SCFD2: variants seen among roughly 807,000 people sequenced by gnomAD.
SCFD2 encodes the protein sec1 family domain containing 2, also known as sec1 family domain-containing protein 2.
SCFD2 carries 54 observed loss-of-function variants against 58.9 expected under a neutral mutation model. The observed-to-expected ratio is 0.92, with a 90% CI of 0.74 to 1.15. SCFD2 has a LOEUF of 1.15. Ranked by LOEUF, SCFD2 falls within the 50% of genes most tolerant of loss-of-function variation. SCFD2 has a pLI of 0.00. For missense variants in SCFD2, 805 were observed against 836.6 expected, an observed-to-expected ratio of 0.96 and a Z score of 0.47; for synonymous variants, 321 against 335.9, an observed-to-expected ratio of 0.96 and a Z score of 0.49.
At chr4:52,982,904 A>C (rs1019254688) in intron 5 of SCFD2, among the ~76,000 whole-genome samples, 5 of 152,178 alleles carry the variant, frequency 3.3e-5, no homozygotes, top group Non-Finnish European at 7.4e-5. Context: ...TCAAAATAAT[A>C]ATCCACCTGG....
chr4:53,200,590 T>G (rs560907866), intron 4 of SCFD2, among the ~76,000 whole-genome samples: 1 of 152,200 alleles, frequency 6.6e-6, no homozygotes, highest in Non-Finnish European at 1.5e-5. Flanking sequence ...ACACTGGGCT[T>G]CCTGTTTGAA....
At chr4:53,257,154 TAGAG>T (rs963542987) in intron 4 of SCFD2, among the ~76,000 whole-genome samples, 2 of 151,698 alleles carry the variant, frequency 1.3e-5, no homozygotes, top group African/African-American at 4.8e-5. Flanking sequence ...TTAATACAGA[TAGAG>T]AGGCCAAACC....
intron 5 of SCFD2, among the ~76,000 whole-genome samples, chr4:53,037,945 A>C (rs1352149500): frequency 6.6e-6 from 1 of 152,182 alleles, no homozygotes; most frequent in East Asian, 1.9e-4. Context: ...CCTGGGGAAT[A>C]TAGATCTTGG....
chr4:52,888,059 C>T (rs1218115005), intron 7 of SCFD2, among the ~76,000 whole-genome samples: 9 of 151,498 alleles, frequency 5.9e-5, no homozygotes, highest in East Asian at 1.9e-4. Context: ...TACAGGCGCC[C>T]GCCACCGCGC....
At chr4:53,055,349 C>T (rs996495971) in intron 5 of SCFD2, among the ~76,000 whole-genome samples, 1 of 152,146 alleles carries the variant, frequency 6.6e-6, no homozygotes, top group African/African-American at 2.4e-5. Flanking sequence ...TGGAAGCCCA[C>T]ATAATGGTGG....
At chr4:52,991,383 T>C (rs1468549795) in intron 5 of SCFD2, among the ~76,000 whole-genome samples, 1 of 152,186 alleles carries the variant, frequency 6.6e-6, no homozygotes, top group Non-Finnish European at 1.5e-5. Flanking sequence ...CTCCCAGATA[T>C]GTTGATTTCG....
chr4:52,961,347 T>C (rs1720848801), intron 5 of SCFD2, among the ~76,000 whole-genome samples: 1 of 152,214 alleles, frequency 6.6e-6, no homozygotes, highest in East Asian at 1.9e-4. Flanking sequence ...CAGAGAGGGA[T>C]GAACTAAGAA....
chr4:52,990,038 A>G (rs1721584228), intron 5 of SCFD2, among the ~76,000 whole-genome samples: 2 of 152,192 alleles, frequency 1.3e-5, no homozygotes, highest in Non-Finnish European at 2.9e-5. Context: ...ATTTACGCAC[A>G]TGCTCTCAGA....
chr4:53,103,341 TG>T (rs1724884047), intron 5 of SCFD2, among the ~76,000 whole-genome samples: 1 of 151,880 alleles, frequency 6.6e-6, no homozygotes, highest in South Asian at 2.1e-4. Flanking sequence ...TGGAGAATTA[TG>T]GGAGCCAAGT....
chr4:53,337,100 A>C lies in SCFD2; in HGVS notation c.1007+15498T>G, dbSNP rs190803041. Among the ~76,000 whole-genome samples, 587 of 149,614 alleles carry C rather than the reference A, an allele frequency of 3.9e-3. 3 individuals carry two copies. The highest frequency in any genetic ancestry group is 5.5e-3 in the Non-Finnish European group (372 of 67,528). ...CAAACAGGGTGGCTTAAACAACAGA[A>C]ATTTATTTTCTCACAGTTCTGGAAA... On this transcript the variant is annotated intron_variant, in intron 2 of 8. Transcript: ENST00000401642.
intron 2 of SCFD2, among the ~76,000 whole-genome samples, chr4:53,326,309 A>C (rs1013329128): frequency 4.6e-5 from 7 of 151,800 alleles, no homozygotes; most frequent in African/African-American, 1.7e-4. Flanking sequence ...CACCTAGCTA[A>C]TTTTTGTATT....
chr4:53,329,301 C>G (rs1733337185), intron 2 of SCFD2, among the ~76,000 whole-genome samples: 1 of 152,234 alleles, frequency 6.6e-6, no homozygotes, highest in Non-Finnish European at 1.5e-5. Context: ...AGGGCACAGA[C>G]AAACAAAAAG....
chr4:53,192,712 G>A (rs2148959415), intron 4 of SCFD2, among the ~76,000 whole-genome samples: 1 of 152,218 alleles, frequency 6.6e-6, no homozygotes, highest in African/African-American at 2.4e-5. Flanking sequence ...CTTACTCACA[G>A]TTTTGCTGTG....
At chr4:53,250,393 A>G (rs954252289) in intron 4 of SCFD2, among the ~76,000 whole-genome samples, 4 of 152,150 alleles carry the variant, frequency 2.6e-5, no homozygotes, top group Non-Finnish European at 4.4e-5. Context: ...ACAGATCAAC[A>G]AGACAGAAAG....
At chr4:53,228,777 C>G (rs1053629856) in intron 4 of SCFD2, among the ~76,000 whole-genome samples, 1 of 152,090 alleles carries the variant, frequency 6.6e-6, no homozygotes, top group Non-Finnish European at 1.5e-5. Context: ...TCAGGGCAAT[C>G]AGGCAGGAGA....
At chr4:52,917,875 A>G (rs1719644895) in intron 6 of SCFD2, among the ~76,000 whole-genome samples, 2 of 152,206 alleles carry the variant, frequency 1.3e-5, no homozygotes, top group African/African-American at 4.8e-5. Context: ...ATGGGTAAAG[A>G]TTAAAATAAG....
At chr4:53,249,375 A>C (rs1730257689) in intron 4 of SCFD2, among the ~76,000 whole-genome samples, 1 of 152,232 alleles carries the variant, frequency 6.6e-6, no homozygotes, top group East Asian at 1.9e-4. Context: ...AAGTTGCAAA[A>C]TACGCTGCAG....
At chr4:52,884,567 C>CT (rs1311857521) in intron 8 of SCFD2, among the ~76,000 whole-genome samples, 5 of 151,742 alleles carry the variant, frequency 3.3e-5, no homozygotes, top group Admixed American at 6.6e-5. Flanking sequence ...TCTTCACTGT[C>CT]TTTTTTTTTC....
chr4:52,898,080 T>C (rs1181532345), intron 7 of SCFD2, among the ~76,000 whole-genome samples: 1 of 151,512 alleles, frequency 6.6e-6, no homozygotes, highest in Non-Finnish European at 1.5e-5. Flanking sequence ...CAGTCTATCA[T>C]TGTTGATCTT....
Sources: allele counts gnomAD v4.1 joint callset (sites outside exome capture counted in the v4.1 genomes callset), GRCh38; gene constraint gnomAD v4.1.1; transcripts MANE v1.5; gene names NCBI Gene and HGNC (gene_info 2026-07-23, HGNC 2026-07-21).